CHRM3: variants seen among roughly 807,000 people sequenced by gnomAD.
CHRM3 encodes muscarinic acetylcholine receptor M3.
In CHRM3, 11 loss-of-function variants were observed where a neutral mutation model predicts 41.8. That is an observed-to-expected ratio of 0.26 (90% CI 0.17 to 0.44). CHRM3 has a LOEUF of 0.44. Among genes scored for constraint, CHRM3 ranks in the 20% least tolerant of loss-of-function variants. The pLI is 1.00. For missense variants in CHRM3, 571 were observed against 745.4 expected (o/e 0.77, Z 2.72); for synonymous variants, 297 against 301.4 (o/e 0.99, Z 0.15).
chr1:239,568,400 C>G (rs181995155), intron 3 of CHRM3, among the ~76,000 whole-genome samples: 9 of 152,284 alleles, frequency 5.9e-5, no homozygotes, highest in Non-Finnish European at 1.3e-4. Context: ...GCTTGCCTCT[C>G]ATTCTTTTGT....
chr1:239,715,494 G>T (rs1256861224), intron 5 of CHRM3, among the ~76,000 whole-genome samples: 1 of 152,104 alleles, frequency 6.6e-6, no homozygotes, highest in African/African-American at 2.4e-5. Context: ...ATGGAAGAAT[G>T]CAGAAGGCAT....
intron 1 of CHRM3, among the ~76,000 whole-genome samples, chr1:239,445,487 C>T: frequency 6.6e-6 from 1 of 152,120 alleles, no homozygotes; most frequent in South Asian, 2.1e-4. Flanking sequence ...GCACTTTGTA[C>T]ATGCCTCTGT....
intron 5 of CHRM3, among the ~76,000 whole-genome samples, chr1:239,750,152 C>A (rs978090353): frequency 6.6e-6 from 1 of 152,188 alleles, no homozygotes; most frequent in Non-Finnish European, 1.5e-5. Flanking sequence ...ATACTTTCAT[C>A]ATTGCACTTG....
At chr1:239,648,168 C>A (rs1671907362) in intron 4 of CHRM3, among the ~76,000 whole-genome samples, 1 of 152,166 alleles carries the variant, frequency 6.6e-6, no homozygotes, top group African/African-American at 2.4e-5. Flanking sequence ...GGCCGCTCTG[C>A]CCTATCCACC....
intron 3 of CHRM3, among the ~76,000 whole-genome samples, chr1:239,591,232 G>T (rs76252407): frequency 6.6e-6 from 1 of 151,992 alleles, no homozygotes; most frequent in Non-Finnish European, 1.5e-5. Flanking sequence ...AAATTGCGCT[G>T]GTCTCCCTTC....
At chr1:239,526,217 A>T (rs1170733208) in intron 2 of CHRM3, among the ~76,000 whole-genome samples, 1 of 152,074 alleles carries the variant, frequency 6.6e-6, no homozygotes, top group East Asian at 1.9e-4. Flanking sequence ...GTCTTTCTGC[A>T]TTGAAACAGT....
intron 2 of CHRM3, among the ~76,000 whole-genome samples, chr1:239,509,248 C>T (rs1419856296): frequency 6.6e-6 from 1 of 152,234 alleles, no homozygotes; most frequent in South Asian, 2.1e-4. Context: ...ATTCTTGTTA[C>T]CCTCCCTTCT....
intron 5 of CHRM3, among the ~76,000 whole-genome samples, chr1:239,719,834 C>T (rs940731944): frequency 6.6e-6 from 1 of 151,946 alleles, no homozygotes; most frequent in Non-Finnish European, 1.5e-5. Flanking sequence ...GTCCTTCAAA[C>T]CACATCCTTC....
intron 3 of CHRM3, chr1:239,546,214 G>A (rs977619109): frequency 2.6e-5 from 4 of 152,084 alleles, no homozygotes; most frequent in African/African-American, 9.7e-5. Context: ...TTACGGTGTT[G>A]TGGAAAGAAA....
At chr1:239,670,635 C>G (rs1261082158) in intron 4 of CHRM3, among the ~76,000 whole-genome samples, 1 of 152,126 alleles carries the variant, frequency 6.6e-6, no homozygotes, top group Non-Finnish European at 1.5e-5. Flanking sequence ...TCAAGAGATT[C>G]TCCTGCCTCA....
At chr1:239,768,347 G>A (rs1486850099) in intron 5 of CHRM3, among the ~76,000 whole-genome samples, 1 of 152,166 alleles carries the variant, frequency 6.6e-6, no homozygotes, top group Non-Finnish European at 1.5e-5. Context: ...AAAGGCAGTA[G>A]TCAGGATAGG....
chr1:239,452,048 G>A (rs1160574625), intron 1 of CHRM3, among the ~76,000 whole-genome samples: 1 of 152,008 alleles, frequency 6.6e-6, no homozygotes, highest in Admixed American at 6.5e-5. Context: ...TTTAAAAATG[G>A]TTTTTATTCC....
rs559439722 is a variant in CHRM3, at chr1:239,532,424, G to A, written c.-421-13217G>A. The stretch of plus-strand genomic sequence containing the variant: ...GGGTGGATCACGAGGTCAACAGATC[G>A]AGACCATCCTGGCCAACGTGGTGAA... On this transcript the variant is annotated intron_variant, in intron 2 of 6. Coordinates refer to ENST00000676153, the MANE Select transcript of CHRM3 (RefSeq NM_001375978.1). Among the ~76,000 whole-genome samples the A allele has an allele frequency of 1.3e-3, 200 of 150,602 alleles. No homozygotes were observed. The Middle Eastern group carries it at 0.014, about 10-fold the overall frequency.
rs928037577 is a variant in CHRM3, at chr1:239,657,520, G to A, written c.-249-20666G>A. ...AACAAAGAAGGTTCAGCAGTTATGC[G>A]CTTTGATGACTCAACACAGAAAAGT... On this transcript the variant is annotated intron_variant, in intron 4 of 6. Transcript: ENST00000676153. Among the ~76,000 whole-genome samples the A allele has an allele frequency of 1.8e-4, 28 of 152,290 alleles. 1 individual carries two copies. The highest frequency in any genetic ancestry group is 5.8e-4 in the African/African-American group (24 of 41,556).
chr1:239,669,494 A>G (rs1376780277), intron 4 of CHRM3, among the ~76,000 whole-genome samples: 1 of 152,198 alleles, frequency 6.6e-6, no homozygotes, highest in Non-Finnish European at 1.5e-5. Context: ...AAATATCATT[A>G]TTGTTTAATA....
At chr1:239,803,843 C>G (rs1670406183) in intron 5 of CHRM3, among the ~76,000 whole-genome samples, 1 of 152,174 alleles carries the variant, frequency 6.6e-6, no homozygotes, top group Non-Finnish European at 1.5e-5. Context: ...CACCCACCCA[C>G]CCTCTCAGAA....
At chr1:239,529,027 A>T (rs796833303) in intron 2 of CHRM3, among the ~76,000 whole-genome samples, 24 of 152,272 alleles carry the variant, frequency 1.6e-4, no homozygotes, top group African/African-American at 5.3e-4. Context: ...TACCTGTTAG[A>T]TCCTCTGTTT....
intron 5 of CHRM3, among the ~76,000 whole-genome samples, chr1:239,772,129 C>T (rs919997879): frequency 1.3e-5 from 2 of 151,984 alleles, no homozygotes; most frequent in Non-Finnish European, 2.9e-5. Context: ...AAGAAAGAAA[C>T]TTTCCATTTC....
intron 1 of CHRM3, among the ~76,000 whole-genome samples, chr1:239,488,114 C>G (rs115753422): frequency 0.021 from 3,262 of 152,264 alleles, 58 homozygotes; most frequent in Non-Finnish European, 0.034. Flanking sequence ...CTCATAGTCT[C>G]TTTGTGAGAG....
Sources: gnomAD v4.1 joint callset for allele counts (sites outside exome capture counted in the v4.1 genomes callset) on GRCh38, gnomAD v4.1.1 for gene constraint, MANE v1.5 for transcripts, NCBI Gene and HGNC (gene_info 2026-07-23, HGNC 2026-07-21) for gene names.